The following R3HCC1L variants were observed in gnomAD, a reference collection of about 807,000 sequenced individuals.
The protein encoded by R3HCC1L is R3H domain and coiled-coil containing 1 like, also known as coiled-coil domain-containing protein R3HCC1L.
Under a neutral mutation model 59.9 loss-of-function variants are expected in R3HCC1L, and 51 were observed. The observed-to-expected ratio is 0.85, with a 90% confidence interval of 0.68 to 1.07. The LOEUF is 1.07. Among genes scored for constraint, R3HCC1L ranks in the 50% least tolerant of loss-of-function variants. The pLI, the probability that R3HCC1L is intolerant of heterozygous loss-of-function variation, is 0.00. For missense variants in R3HCC1L, 965 were observed against 933.0 expected, an observed-to-expected ratio of 1.03 and a Z score of -0.45; for synonymous variants, 322 against 315.2, an observed-to-expected ratio of 1.02 and a Z score of -0.23.
chr10:98,227,793 C>T (rs1347913697), intron 5 of R3HCC1L, among the ~76,000 whole-genome samples: 1 of 150,076 alleles, frequency 6.7e-6, no homozygotes, highest in African/African-American at 2.5e-5. Flanking sequence ...CAAGTGTTCT[C>T]ATTGTCCAAT....
At chr10:98,157,082 C>G (rs1846957094) in intron 2 of R3HCC1L, among the ~76,000 whole-genome samples, 1 of 152,128 alleles carries the variant, frequency 6.6e-6, no homozygotes, top group Non-Finnish European at 1.5e-5. Context: ...GGCATAGTTT[C>G]TTTTTTCTCC....
intron 1 of R3HCC1L, among the ~76,000 whole-genome samples, chr10:98,153,609 T>TAAAA (rs1160637755): frequency 4.6e-4 from 37 of 80,908 alleles, no homozygotes; most frequent in African/African-American, 7.8e-4. Flanking sequence ...AATGATCAAT[T>TAAAA]AAAAAAAAAA....
intron 2 of R3HCC1L, among the ~76,000 whole-genome samples, chr10:98,158,563 C>T (rs937265853): frequency 2.0e-5 from 3 of 152,060 alleles, no homozygotes; most frequent in African/African-American, 7.2e-5. Flanking sequence ...CCTTTTATAC[C>T]TAAATAGTTA....
chr10:98,218,904 G>T, intron 5 of R3HCC1L, among the ~76,000 whole-genome samples: 1 of 152,062 alleles, frequency 6.6e-6, no homozygotes, highest in East Asian at 1.9e-4. Flanking sequence ...TTACTGAGTT[G>T]ATCGCTTTAT....
intron 7 of R3HCC1L, 46 bp from the exon 8 acceptor site, chr10:98,235,379 A>G: frequency 6.5e-7 from 1 of 1,533,668 alleles, no homozygotes; most frequent in Non-Finnish European, 9.0e-7. Context: ...TTTCCTTTGC[A>G]TCACTCTACT....
In R3HCC1L at chr10:98,192,549, A is replaced by G. The variant is rs984009759; in HGVS notation, c.-14-15552A>G. 3.3e-5 allele frequency among the ~76,000 whole-genome samples: 5 copies of G among 152,208 alleles called. No homozygotes were observed. In the East Asian group the frequency reaches 7.7e-4, roughly 23 times the overall value. The stretch of plus-strand genomic sequence containing the variant: ...ACGCCAACATATTGGCTAACCTGAA[A>G]GAAACTGATAGATTTCTAGAAACAT... On this transcript the variant is annotated intron_variant, in intron 4 of 9. Transcript: ENST00000298999.
chr10:98,165,177 T>G (rs1406126880), intron 4 of R3HCC1L, among the ~76,000 whole-genome samples: 1 of 152,178 alleles, frequency 6.6e-6, no homozygotes, highest in Admixed American at 6.5e-5. Context: ...AAGCTATTCC[T>G]TGCTTGAGCC....
At chr10:98,235,375 T>G (rs765428433) in intron 7 of R3HCC1L, 50 bp from the exon 8 acceptor site, 2 of 1,511,394 alleles carry the variant, frequency 1.3e-6, no homozygotes, top group Non-Finnish European at 9.2e-7. Context: ...AGTTTTTCCT[T>G]TGCATCACTC....
At position 98,231,637 on chromosome 10, in the gene R3HCC1L, T is replaced by C. The variant is rs1282979492; in HGVS notation, c.1911T>C (p.Phe637=). ...CACATGTCATTGAAATTTATGACTT[T>C]CCCCAAGAATTTCATACTGAAGACC... is the stretch of plus-strand genomic sequence containing the variant. The part of the protein sequence containing the change: ...EFPHVIEIYD[F]PQEFHTEDLL... Residue 637 remains phenylalanine (F), a synonymous_variant, in exon 6 of 10, where the codon TTT becomes TTC. Transcript: ENST00000298999. The C allele has an allele frequency of 6.2e-7, 1 of 1,612,594 alleles. No homozygotes were observed. Among genetic ancestry groups the C allele is most frequent in the Non-Finnish European group, 8.5e-7 (1 of 1,179,010 alleles).
chr10:98,139,133 T>C (rs1021892918), intron 1 of R3HCC1L, among the ~76,000 whole-genome samples: 2 of 152,102 alleles, frequency 1.3e-5, no homozygotes, highest in African/African-American at 4.8e-5. Context: ...GGAGTTTGAG[T>C]CTGTGACCTT....
At chr10:98,219,277 T>C (rs1354447683) in intron 5 of R3HCC1L, among the ~76,000 whole-genome samples, 1 of 152,224 alleles carries the variant, frequency 6.6e-6, no homozygotes. Flanking sequence ...GCTTTGCTTT[T>C]AGTTTCTGTT....
At chr10:98,146,246 G>T (rs1845642908) in intron 1 of R3HCC1L, among the ~76,000 whole-genome samples, 1 of 151,884 alleles carries the variant, frequency 6.6e-6, no homozygotes, top group Admixed American at 6.6e-5. Flanking sequence ...TTGGTGGGGG[G>T]GACATGTGAT....
chr10:98,237,169 T>C (rs532425964), intron 9 of R3HCC1L, among the ~76,000 whole-genome samples: 1 of 152,308 alleles, frequency 6.6e-6, no homozygotes, highest in East Asian at 1.9e-4. Flanking sequence ...TTTGAAACTT[T>C]AATGATTATA....
In R3HCC1L at chr10:98,223,841, G is replaced by A. The variant is rs529867805; in HGVS notation, c.1786-7671G>A. The stretch of plus-strand genomic sequence containing the variant: ...TGAGTCTGGACAGGCTGATCCTTAG[G>A]CCTCCAGGCATTTTACTTGGGTGTC... On this transcript the variant is annotated intron_variant, in intron 5 of 9. Coordinates refer to ENST00000298999, the MANE Select transcript of R3HCC1L (RefSeq NM_001351015.2). 2.6e-5 allele frequency among the ~76,000 whole-genome samples: 4 copies of A among 152,238 alleles called. No homozygotes were observed. The East Asian group carries it at 5.8e-4, about 22-fold the overall frequency.
intron 4 of R3HCC1L, among the ~76,000 whole-genome samples, chr10:98,202,713 A>C (rs961635229): frequency 1.3e-5 from 2 of 152,138 alleles, no homozygotes; most frequent in Non-Finnish European, 2.9e-5. Context: ...TGAGCCAGGC[A>C]TGGTGGCAGT....
rs1393955687 is a variant in R3HCC1L, at chr10:98,209,325, A to C, written c.1211A>C (p.Glu404Ala). The C allele has an allele frequency of 6.8e-6, 11 of 1,613,902 alleles. No individual in the cohort carries two copies. The highest frequency in any genetic ancestry group is 9.3e-6 in the Non-Finnish European group (11 of 1,179,954). ...GTAGTTGCAGTTAGAATAGCTGATG[A>C]GACCTCTATTAATACACGAAGTTTC... ...PYVVAVRIADETSINTRSFSK... is the reference protein window; with the variant it reads ...PYVVAVRIADATSINTRSFSK... The change falls in exon 5 of 10, where the codon GAG (glutamate) becomes GCG (alanine). Residue 404 changes from glutamate to alanine, a missense_variant. By Grantham distance (107) the Glu-to-Ala change is moderately radical. Transcript: ENST00000298999.
At chr10:98,198,065 G>A (rs1248194423) in intron 4 of R3HCC1L, among the ~76,000 whole-genome samples, 1 of 151,926 alleles carries the variant, frequency 6.6e-6, no homozygotes, top group African/African-American at 2.4e-5. Flanking sequence ...CAGTGTAGAG[G>A]TGGGTGAATA....
intron 4 of R3HCC1L, among the ~76,000 whole-genome samples, chr10:98,164,077 G>A (rs1279146011): frequency 6.6e-6 from 1 of 152,140 alleles, no homozygotes; most frequent in Non-Finnish European, 1.5e-5. Flanking sequence ...CGATGGGCCA[G>A]CCGATGTGCA....
At chr10:98,140,546 C>T (rs995427410) in intron 1 of R3HCC1L, among the ~76,000 whole-genome samples, 3 of 151,834 alleles carry the variant, frequency 2.0e-5, no homozygotes, top group South Asian at 2.1e-4. Context: ...TGTAGACAGA[C>T]GGGCAGAGTT....
Sources: allele counts gnomAD v4.1 joint callset (sites outside exome capture counted in the v4.1 genomes callset), GRCh38; gene constraint gnomAD v4.1.1; transcripts MANE v1.5; gene names NCBI Gene and HGNC (gene_info 2026-07-23, HGNC 2026-07-21).